Variants in PCDHA8 observed in about 807,000 individuals in gnomAD.
PCDHA8 encodes protocadherin alpha-8.
A neutral mutation model predicts 61.8 loss-of-function variants in PCDHA8; 53 were observed. The observed-to-expected ratio is 0.86, with a 90% confidence interval of 0.69 to 1.08. The LOEUF is 1.08. Among genes scored for constraint, PCDHA8 ranks in the 50% least tolerant of loss-of-function variants. The pLI, the probability that PCDHA8 is intolerant of heterozygous loss-of-function variation, is 0.00. For synonymous variants in PCDHA8, 618 were observed against 556.6 expected, an observed-to-expected ratio of 1.11 and a Z score of -1.55; for missense variants, 1,293 against 1,245.0, an observed-to-expected ratio of 1.04 and a Z score of -0.58.
intron 1 of PCDHA8, among the ~76,000 whole-genome samples, chr5:140,975,393 C>G (rs2096665585): frequency 6.6e-6 from 1 of 152,256 alleles, no homozygotes. Flanking sequence ...TAAGATCCAT[C>G]ACAATCACAG....
intron 1 of PCDHA8, among the ~76,000 whole-genome samples, chr5:140,893,569 A>G (rs750933580): frequency 3.3e-5 from 5 of 152,120 alleles, no homozygotes; most frequent in Non-Finnish European, 7.4e-5. Flanking sequence ...GTACTTCCTC[A>G]GTTTTTGCTT....
At chr5:140,863,106 C>G (rs782630265) in intron 1 of PCDHA8, 1 of 582,196 alleles carries the variant, frequency 1.7e-6, no homozygotes, top group Non-Finnish European at 3.4e-6. Context: ...GTACCCTGGA[C>G]GAGGCGAAAG....
intron 3 of PCDHA8, among the ~76,000 whole-genome samples, chr5:140,997,500 C>T (rs567570276): frequency 5.3e-4 from 80 of 152,250 alleles, no homozygotes; most frequent in South Asian, 3.9e-3. Context: ...TGTATCTCAA[C>T]ATACCTAAAC....
intron 1 of PCDHA8, chr5:140,861,384 C>G (rs1354784257): frequency 2.5e-5 from 11 of 437,330 alleles, no homozygotes; most frequent in African/African-American, 2.2e-4. Context: ...TGCGCAGGAC[C>G]TGGGTCTGGA....
Position 140,875,636 on chromosome 5 carries a change from A to T in PCDHA8, c.2394+31921A>T, listed in dbSNP as rs574545388. On this transcript the variant is annotated intron_variant, in intron 1 of 3. Coordinates refer to ENST00000531613, the MANE Select transcript of PCDHA8 (RefSeq NM_018911.3). The stretch of plus-strand genomic sequence containing the variant: ...CGCATCGCTCAGGACCTGGGGCTGG[A>T]GCTGGCGGAGCTGGTGCCGCGCCTG... 6 of 1,613,488 alleles carry T rather than the reference A, an allele frequency of 3.7e-6. No individual in the cohort carries two copies. The Admixed American group carries it at 8.3e-5, about 22-fold the overall frequency.
At position 140,841,942 on chromosome 5, in the gene PCDHA8, G is replaced by T. The variant is rs2150326049; in HGVS notation, c.621G>T (p.Ala207=). 1.2e-6 allele frequency: 2 copies of T among 1,613,920 alleles called. No individual in the cohort carries two copies. Among genetic ancestry groups the T allele is most frequent in the Non-Finnish European group, 1.7e-6 (2 of 1,179,882 alleles). The change falls in exon 1 of 4, where the codon GCG becomes GCT. Residue 207 remains alanine (A), a synonymous_variant. Coordinates refer to ENST00000531613, the MANE Select transcript of PCDHA8 (RefSeq NM_018911.3). ...CCTTGGACAGAGAGGACGCTCCTGCGCACCACTTATTCCTGACAGCCACAG... is the reference window on the plus strand; with the variant it reads ...CCTTGGACAGAGAGGACGCTCCTGCTCACCACTTATTCCTGACAGCCACAG... The part of the protein sequence containing the change: ...RKSLDREDAP[A]HHLFLTATDG...
intron 1 of PCDHA8, among the ~76,000 whole-genome samples, chr5:140,940,230 T>C (rs1554213224): frequency 6.6e-6 from 1 of 152,212 alleles, no homozygotes; most frequent in Non-Finnish European, 1.5e-5. Flanking sequence ...TTCATTTTGG[T>C]ACATTAAAGT....
At chr5:140,978,910 T>C in intron 1 of PCDHA8, 39 bp from the exon 2 acceptor site, 1 of 1,613,896 alleles carries the variant, frequency 6.2e-7, no homozygotes, top group Non-Finnish European at 8.5e-7. Context: ...GAACATTGTC[T>C]TGTCATTTTA....
At chr5:140,976,518 A>G (rs2096720750) in intron 1 of PCDHA8, among the ~76,000 whole-genome samples, 1 of 152,070 alleles carries the variant, frequency 6.6e-6, no homozygotes, top group Admixed American at 6.6e-5. Flanking sequence ...GCCACTGCAC[A>G]CCAGCCTAAA....
At chr5:140,853,743 T>C (rs1258118631) in intron 1 of PCDHA8, 2 of 988,454 alleles carry the variant, frequency 2.0e-6, no homozygotes, top group African/African-American at 1.8e-5. Context: ...AATGTTCTGG[T>C]TCAAGGCTCC....
chr5:141,006,069 C>T (rs1588119997), intron 3 of PCDHA8, among the ~76,000 whole-genome samples: 1 of 148,482 alleles, frequency 6.7e-6, no homozygotes, highest in African/African-American at 2.5e-5. Flanking sequence ...AAATAAAAAT[C>T]AGATTATTGA....
At chr5:140,883,331 T>C (rs782330597) in intron 1 of PCDHA8, 1 of 1,614,064 alleles carries the variant, frequency 6.2e-7, no homozygotes, top group East Asian at 2.2e-5. Flanking sequence ...CATCACTTCT[T>C]TGTCACTCCC....
chr5:140,870,413 C>T (rs200037363), intron 1 of PCDHA8: 2 of 1,614,242 alleles, frequency 1.2e-6, no homozygotes, highest in South Asian at 2.2e-5. Flanking sequence ...CTGTGGGCCA[C>T]GGCCAGGGTA....
At chr5:140,969,459 G>A (rs1554231863) in intron 1 of PCDHA8, 1 of 1,503,404 alleles carries the variant, frequency 6.7e-7, no homozygotes, top group Non-Finnish European at 8.9e-7. Flanking sequence ...AGTATATATA[G>A]TATCCACAAT....
At chr5:140,916,327 A>G (rs1218792272) in intron 1 of PCDHA8, among the ~76,000 whole-genome samples, 5 of 152,226 alleles carry the variant, frequency 3.3e-5, no homozygotes, top group African/African-American at 1.2e-4. Context: ...AGTCCCCTTT[A>G]CTTTTTCCTC....
chr5:140,898,711 T>A (rs1280268769), intron 1 of PCDHA8, among the ~76,000 whole-genome samples: 2 of 152,226 alleles, frequency 1.3e-5, no homozygotes, highest in Non-Finnish European at 2.9e-5. Flanking sequence ...AAGTAGTTTT[T>A]TCCAATTCTG....
At chr5:140,859,880 T>C (rs922706728) in intron 1 of PCDHA8, 1 of 152,036 alleles carries the variant, frequency 6.6e-6, no homozygotes, top group Non-Finnish European at 1.5e-5. Context: ...CCCTCTGATA[T>C]TTTGAAAAAA....
intron 1 of PCDHA8, chr5:140,875,402 CT>C (rs2055455404): frequency 6.7e-7 from 1 of 1,488,754 alleles, no homozygotes; most frequent in African/African-American, 1.4e-5. Flanking sequence ...AGGGTGACTG[CT>C]CATAAAATAC....
chr5:140,939,269 A>G (rs1167199684), intron 1 of PCDHA8, among the ~76,000 whole-genome samples: 1 of 152,070 alleles, frequency 6.6e-6, no homozygotes, highest in Non-Finnish European at 1.5e-5. Flanking sequence ...CTTTTATGAG[A>G]GCTGTGCCCT....
Sources: allele counts gnomAD v4.1 joint callset (sites outside exome capture counted in the v4.1 genomes callset), GRCh38; gene constraint gnomAD v4.1.1; transcripts MANE v1.5; gene names NCBI Gene and HGNC (gene_info 2026-07-23, HGNC 2026-07-21).